Variants in MLC1 observed in about 807,000 individuals in gnomAD.
The protein encoded by MLC1 is modulator of VRAC current 1.
MLC1 carries 32 observed loss-of-function variants against 44.7 expected under a neutral mutation model. The ratio of observed to expected loss-of-function variants is 0.72; its 90% confidence interval spans 0.54 to 0.96. MLC1 has a LOEUF of 0.96. MLC1 is among the 40% of genes least tolerant of loss of function. MLC1 has a pLI of 0.00. For missense variants in MLC1, 459 were observed against 492.2 expected (o/e 0.93, Z 0.64); for synonymous variants, 190 against 213.0 (o/e 0.89, Z 0.94).
chr22:50,069,407 G>T (rs1287786589), intron 9 of MLC1, among the ~76,000 whole-genome samples: 1 of 152,104 alleles, frequency 6.6e-6, no homozygotes, highest in Non-Finnish European at 1.5e-5. Context: ...CACTTTGGGA[G>T]GCCGAGGAGG....
At chr22:50,078,257 C>T (rs1358328889) in intron 5 of MLC1, among the ~76,000 whole-genome samples, 2 of 151,890 alleles carry the variant, frequency 1.3e-5, no homozygotes, top group East Asian at 3.9e-4. Flanking sequence ...TCCCAAAGTG[C>T]TGAGATTACA....
chr22:50,064,066 G>C lies in MLC1; in HGVS notation c.1027C>G (p.Gln343Glu). The C allele has an allele frequency of 6.4e-7, 1 of 1,569,404 alleles. No homozygotes were observed. The highest frequency in any genetic ancestry group is 8.6e-7 in the Non-Finnish European group (1 of 1,160,830). Residue 343 changes from glutamine to glutamate, a missense_variant, in exon 11 of 12, where the codon CAG becomes GAG. By Grantham distance (29) the Gln-to-Glu change is conservative. Transcript: ENST00000311597. ...GCCAGGCGCTCCTGCGGGCCGTTCT[G>C]GGTGTCCCAGGATGCACCCTGCAGC... Reference protein sequence around the residue: ...ARLQGASWDTQNGPQERLAGE... With the variant: ...ARLQGASWDTENGPQERLAGE...
In MLC1 at chr22:50,060,889, G is replaced by C. The variant is rs1293854487; in HGVS notation, c.*694C>G. The C allele has an allele frequency of 6.4e-6, 1 of 155,088 alleles. No homozygotes were observed. Among genetic ancestry groups the C allele is most frequent in the Non-Finnish European group, 1.4e-5 (1 of 69,690 alleles). 9.6% of individuals were successfully genotyped at this position (155,088 alleles called of 1,614,324 possible). A position where few individuals can be genotyped will look rare whatever the true frequency, so the allele number is the denominator to read the frequency against. On this transcript the variant is annotated 3_prime_UTR_variant, in exon 12 of 12. Transcript: ENST00000311597. ...GCGGTGGATCCCTCTAGAATGACTGGGTCTAAGTAGGGAGACAGGGCAGGC... is the reference window on the plus strand; with the variant it reads ...GCGGTGGATCCCTCTAGAATGACTGCGTCTAAGTAGGGAGACAGGGCAGGC...
chr22:50,082,686 C>T (rs542520496), intron 3 of MLC1, among the ~76,000 whole-genome samples: 13 of 152,112 alleles, frequency 8.5e-5, no homozygotes, highest in African/African-American at 2.2e-4. Context: ...TGTTTTGAGA[C>T]GAAGTTTCAC....
At chr22:50,076,376 G>C (rs941438613) in intron 7 of MLC1, among the ~76,000 whole-genome samples, 1 of 152,062 alleles carries the variant, frequency 6.6e-6, no homozygotes, top group Admixed American at 6.6e-5. Context: ...CCAACATGCC[G>C]AAACCCTGCC....
At chr22:50,081,617 T>C (rs889308015) in intron 3 of MLC1, among the ~76,000 whole-genome samples, 1 of 152,182 alleles carries the variant, frequency 6.6e-6, no homozygotes, top group African/African-American at 2.4e-5. Context: ...CCCCGGGCCC[T>C]GAGTCGGGGG....
At chr22:50,075,851 A>G (rs966228028) in intron 7 of MLC1, among the ~76,000 whole-genome samples, 12 of 152,186 alleles carry the variant, frequency 7.9e-5, no homozygotes, top group Admixed American at 2.0e-4. Context: ...TTGTTGGAGT[A>G]AAAAGGCAAA....
At chr22:50,082,115 A>G (rs576500525) in intron 3 of MLC1, among the ~76,000 whole-genome samples, 1 of 152,324 alleles carries the variant, frequency 6.6e-6, no homozygotes, top group East Asian at 1.9e-4. Flanking sequence ...CCCAGCAGGC[A>G]TGTGGAAGCG....
At chr22:50,062,918 CG>C (rs1444997873) in intron 11 of MLC1, among the ~76,000 whole-genome samples, 1 of 152,128 alleles carries the variant, frequency 6.6e-6, no homozygotes, top group African/African-American at 2.4e-5. Context: ...AGGCAGGGCC[CG>C]GGGGAACATT....
chr22:50,074,365 G>T, intron 7 of MLC1, 33 bp from the exon 8 acceptor site: 1 of 1,560,702 alleles, frequency 6.4e-7, no homozygotes, highest in South Asian at 1.1e-5. Flanking sequence ...GGCTCATAAG[G>T]AAGTGGAGAC....
In MLC1 at chr22:50,074,147, G is replaced by A. The variant is rs2061923092; in HGVS notation, c.714+69C>T. On this transcript the variant is annotated intron_variant, in intron 8 of 11. Transcript: ENST00000311597. ...CTGAATGCACCAAGACTGAGCTCGG[G>A]GCCCAGCCACGCAGGATCTGAGCAG... 2.3e-6 allele frequency: 3 copies of A among 1,332,874 alleles called. No individual in the cohort carries two copies. In the East Asian group the frequency reaches 7.1e-5, roughly 31 times the overall value. 82.6% of individuals were successfully genotyped at this position (1,332,874 alleles called of 1,614,324 possible).
chr22:50,065,994 A>G (rs556091565), intron 10 of MLC1, among the ~76,000 whole-genome samples: 1 of 152,326 alleles, frequency 6.6e-6, no homozygotes, highest in Non-Finnish European at 1.5e-5. Flanking sequence ...AAGAGCTCTG[A>G]TCCCCTTGGG....
At chr22:50,080,669 C>T (rs1353434587) in intron 3 of MLC1, among the ~76,000 whole-genome samples, 2 of 152,088 alleles carry the variant, frequency 1.3e-5, no homozygotes, top group African/African-American at 2.4e-5. Context: ...CAAAGCCCTG[C>T]GATTACAGGC....
intron 8 of MLC1, among the ~76,000 whole-genome samples, chr22:50,073,177 A>G (rs1406848606): frequency 2.0e-5 from 3 of 152,232 alleles, no homozygotes; most frequent in Non-Finnish European, 4.4e-5. Context: ...CGGCAGCTTC[A>G]GGAAGAGCCC....
chr22:50,065,172 G>A (rs1043946293), intron 10 of MLC1, among the ~76,000 whole-genome samples: 1 of 152,124 alleles, frequency 6.6e-6, no homozygotes, highest in Non-Finnish European at 1.5e-5. Context: ...GCCTGCTTCG[G>A]CCTCCCAAAC....
intron 10 of MLC1, among the ~76,000 whole-genome samples, chr22:50,068,191 T>TC (rs2061759171): frequency 6.6e-6 from 1 of 152,166 alleles, no homozygotes; most frequent in Non-Finnish European, 1.5e-5. Context: ...ACAGAGTGGG[T>TC]CCCAGGTCCC....
intron 6 of MLC1, among the ~76,000 whole-genome samples, chr22:50,077,132 G>C (rs1051252939): frequency 6.6e-6 from 1 of 152,190 alleles, no homozygotes; most frequent in Admixed American, 6.5e-5. Context: ...TGATCCCCTG[G>C]GGACGAGCAC....
intron 3 of MLC1, among the ~76,000 whole-genome samples, chr22:50,082,483 C>T (rs2062170543): frequency 6.6e-6 from 1 of 152,232 alleles, no homozygotes. Flanking sequence ...GGGCACAGGT[C>T]CCAGTCCCCT....
intron 11 of MLC1, among the ~76,000 whole-genome samples, chr22:50,062,721 G>A (rs1210468731): frequency 2.0e-5 from 3 of 152,268 alleles, no homozygotes; most frequent in Non-Finnish European, 4.4e-5. Context: ...GCCTAGAGGT[G>A]GGGCAGGACT....
Sources: allele counts gnomAD v4.1 joint callset (sites outside exome capture counted in the v4.1 genomes callset), GRCh38; gene constraint gnomAD v4.1.1; transcripts MANE v1.5; gene names NCBI Gene and HGNC (gene_info 2026-07-23, HGNC 2026-07-21).